MSI2: variants seen among roughly 807,000 people sequenced by gnomAD.
MSI2 encodes musashi RNA binding protein 2.
Under a neutral mutation model 45.6 loss-of-function variants are expected in MSI2, and 17 were observed. That is an observed-to-expected ratio of 0.37 (90% confidence interval 0.26 to 0.56). The LOEUF (loss-of-function observed/expected upper bound fraction) is 0.56. Ranked by LOEUF, MSI2 falls within the 20% of genes least tolerant of loss-of-function variation. MSI2 has a pLI of 0.77. For missense variants in MSI2, 293 were observed against 444.2 expected, an observed-to-expected ratio of 0.66 and a Z score of 3.06; for synonymous variants, 156 against 158.2, an observed-to-expected ratio of 0.99 and a Z score of 0.11.
chr17:57,662,856 A>AC (rs1415282504), intron 11 of MSI2, among the ~76,000 whole-genome samples: 2 of 152,214 alleles, frequency 1.3e-5, no homozygotes, highest in African/African-American at 2.4e-5. Flanking sequence ...ATGCACTCAG[A>AC]CCAATGTCAG....
intron 7 of MSI2, among the ~76,000 whole-genome samples, chr17:57,594,952 T>A (rs1488020617): frequency 6.6e-6 from 1 of 152,196 alleles, no homozygotes; most frequent in Non-Finnish European, 1.5e-5. Context: ...GCAAATGACA[T>A]GATAAAGATC....
At chr17:57,313,141 G>A (rs1165457606) in intron 5 of MSI2, among the ~76,000 whole-genome samples, 3 of 152,064 alleles carry the variant, frequency 2.0e-5, no homozygotes, top group Non-Finnish European at 2.9e-5. Context: ...CACTGCACCC[G>A]GCCGGCATTC....
At chr17:57,256,248 C>G (rs978989329), upstream of MSI2, among the ~76,000 whole-genome samples, 1 of 151,912 alleles carries the variant, frequency 6.6e-6, no homozygotes, top group Non-Finnish European at 1.5e-5. Flanking sequence ...TGCGCTCCCC[C>G]TCGCCCTGCG....
intron 5 of MSI2, among the ~76,000 whole-genome samples, chr17:57,300,689 T>C (rs1213317243): frequency 6.6e-6 from 1 of 152,146 alleles, no homozygotes; most frequent in African/African-American, 2.4e-5. Flanking sequence ...GGACTCACAG[T>C]TCCACGTGGC....
At chr17:57,590,048 T>A (rs1415077263) in intron 7 of MSI2, among the ~76,000 whole-genome samples, 1 of 152,254 alleles carries the variant, frequency 6.6e-6, no homozygotes, top group Non-Finnish European at 1.5e-5. Flanking sequence ...GGAAGCTGCA[T>A]GAGTTATAAA....
intron 5 of MSI2, among the ~76,000 whole-genome samples, chr17:57,301,296 G>A (rs1193133673): frequency 6.6e-6 from 1 of 152,192 alleles, no homozygotes; most frequent in Admixed American, 6.5e-5. Flanking sequence ...TTAAGAAGTA[G>A]GTTTCTTTAG....
chr17:57,523,868 T>C (rs979546004), intron 6 of MSI2, among the ~76,000 whole-genome samples: 1 of 152,270 alleles, frequency 6.6e-6, no homozygotes, highest in Non-Finnish European at 1.5e-5. Context: ...GCTTTCTTTG[T>C]TGTTTTGGGG....
At chr17:57,625,806 G>A (rs918943824) in intron 9 of MSI2, 2 of 152,458 alleles carry the variant, frequency 1.3e-5, no homozygotes, top group African/African-American at 4.8e-5. Context: ...CTGGAGAACA[G>A]GACTCAGAAA....
At chr17:57,575,425 G>A (rs531686918) in intron 7 of MSI2, among the ~76,000 whole-genome samples, 6 of 152,246 alleles carry the variant, frequency 3.9e-5, no homozygotes, top group African/African-American at 7.2e-5. Flanking sequence ...CCTTTCAGTC[G>A]CTGCATGGCT....
intron 10 of MSI2, among the ~76,000 whole-genome samples, chr17:57,646,593 T>C (rs1432675692): frequency 6.6e-6 from 1 of 152,150 alleles, no homozygotes; most frequent in Non-Finnish European, 1.5e-5. Context: ...CCCGAAGAAG[T>C]GAAGTGTCGT....
rs1011742693 is a variant in MSI2, at chr17:57,633,532, C to T, written c.727+6229C>T. Among the ~76,000 whole-genome samples, 4 of 152,368 alleles carry T rather than the reference C, an allele frequency of 2.6e-5. No individual in the cohort carries two copies. The East Asian group carries it at 5.8e-4, about 22-fold the overall frequency. Reference sequence around the variant, plus strand: ...AGGTGTGTGCGCCGTCTTACCCTCGCGCCCACGGGCCTGTGTGTGGTTGTG... The same window carrying T: ...AGGTGTGTGCGCCGTCTTACCCTCGTGCCCACGGGCCTGTGTGTGGTTGTG... On this transcript the variant is annotated intron_variant, in intron 10 of 13. Coordinates refer to ENST00000284073, the MANE Select transcript of MSI2 (RefSeq NM_138962.4).
At chr17:57,340,114 C>G (rs1273106806) in intron 5 of MSI2, among the ~76,000 whole-genome samples, 1 of 152,198 alleles carries the variant, frequency 6.6e-6, no homozygotes, top group East Asian at 1.9e-4. Context: ...CCTAGGTTGG[C>G]TTACCTTAAC....
chr17:57,697,804 C>T, the MSI2 span, among the ~76,000 whole-genome samples: 2 of 152,178 alleles, frequency 1.3e-5, no homozygotes, highest in East Asian at 1.9e-4. Flanking sequence ...CGGGGGAAAC[C>T]GCCCCCATGA....
At chr17:57,425,758 C>A (rs1451542560) in intron 6 of MSI2, among the ~76,000 whole-genome samples, 1 of 152,226 alleles carries the variant, frequency 6.6e-6, no homozygotes. Flanking sequence ...TTTGACCTAG[C>A]AATTCCACTT....
At chr17:57,609,056 G>T (rs145772418) in intron 8 of MSI2, among the ~76,000 whole-genome samples, 8 of 152,268 alleles carry the variant, frequency 5.3e-5, no homozygotes, top group African/African-American at 1.9e-4. Context: ...CAAGATGTGT[G>T]TAGCTGTCAG....
chr17:57,353,996 T>A (rs568264245), intron 5 of MSI2, among the ~76,000 whole-genome samples: 2 of 152,358 alleles, frequency 1.3e-5, no homozygotes, highest in East Asian at 3.9e-4. Flanking sequence ...GGAGAATTTT[T>A]ACTGATGAAA....
chr17:57,316,336 T>C (rs1385720839), intron 5 of MSI2, among the ~76,000 whole-genome samples: 1 of 151,844 alleles, frequency 6.6e-6, no homozygotes, highest in Admixed American at 6.6e-5. Context: ...TTTTTTTTTT[T>C]TTTGAGGCAA....
intron 8 of MSI2, among the ~76,000 whole-genome samples, chr17:57,602,462 C>G (rs184387623): frequency 6.6e-5 from 10 of 152,314 alleles, no homozygotes; most frequent in South Asian, 6.2e-4. Context: ...GAGTGATTCT[C>G]GTGCCTCGGC....
At chr17:57,379,618 C>A (rs2083564245) in intron 5 of MSI2, among the ~76,000 whole-genome samples, 1 of 152,106 alleles carries the variant, frequency 6.6e-6, no homozygotes, top group Admixed American at 6.5e-5. Context: ...GCTTCTCCTC[C>A]CTTTTACCTC....
Sources: gnomAD v4.1 joint callset for allele counts (sites outside exome capture counted in the v4.1 genomes callset) on GRCh38, gnomAD v4.1.1 for gene constraint, MANE v1.5 for transcripts, NCBI Gene and HGNC (gene_info 2026-07-23, HGNC 2026-07-21) for gene names.